The following SGCD variants were observed in gnomAD, a reference collection of about 807,000 sequenced individuals.
SGCD encodes sarcoglycan delta.
In SGCD, 18 loss-of-function variants were observed where a neutral mutation model predicts 36.6. The observed-to-expected ratio is 0.49, with a 90% CI of 0.34 to 0.73. The LOEUF (loss-of-function observed/expected upper bound fraction) is 0.73, where lower values mean the gene tolerates loss of function less well. Among genes scored for constraint, SGCD ranks in the 30% least tolerant of loss-of-function variants. The pLI is 0.01. For synonymous variants in SGCD, 133 were observed against 130.6 expected, an observed-to-expected ratio of 1.02 and a Z score of -0.12; for missense variants, 387 against 346.7, an observed-to-expected ratio of 1.12 and a Z score of -0.92.
the SGCD span, among the ~76,000 whole-genome samples, chr5:155,863,997 A>T: frequency 3.3e-5 from 5 of 152,158 alleles, no homozygotes; most frequent in Non-Finnish European, 7.3e-5. Context: ...ACTGCTAAGG[A>T]GAGGAGGAAT....
At chr5:156,085,542 G>T (rs889704631) in intron 1 of SGCD, among the ~76,000 whole-genome samples, 1 of 152,200 alleles carries the variant, frequency 6.6e-6, no homozygotes, top group Non-Finnish European at 1.5e-5. Flanking sequence ...TGTACAGCCT[G>T]CAGAACTGTG....
At chr5:156,750,952 A>T (rs1161886112) in intron 7 of SGCD, among the ~76,000 whole-genome samples, 1 of 152,216 alleles carries the variant, frequency 6.6e-6, no homozygotes, top group African/African-American at 2.4e-5. Context: ...AGATAGCTAC[A>T]GTGTCCATGG....
chr5:156,733,361 G>GTGAT (rs1261389744), intron 7 of SGCD, among the ~76,000 whole-genome samples: 7 of 151,836 alleles, frequency 4.6e-5, no homozygotes, highest in African/African-American at 1.2e-4. Context: ...GTGGTTTTGA[G>GTGAT]TGATTGTGCT....
At chr5:156,580,541 A>C (rs1253621354) in intron 4 of SGCD, among the ~76,000 whole-genome samples, 2 of 152,192 alleles carry the variant, frequency 1.3e-5, no homozygotes, top group Admixed American at 1.3e-4. Flanking sequence ...TACACCAATG[A>C]AACGTAGATT....
intron 7 of SGCD, among the ~76,000 whole-genome samples, chr5:156,717,201 G>A (rs1755263971): frequency 1.3e-5 from 2 of 152,206 alleles, no homozygotes; most frequent in South Asian, 4.1e-4. Context: ...TACATAGGAT[G>A]CCTCAAAGAG....
At chr5:155,786,667 C>T in the SGCD span, among the ~76,000 whole-genome samples, 1 of 152,120 alleles carries the variant, frequency 6.6e-6, no homozygotes, top group Non-Finnish European at 1.5e-5. Context: ...TTACTGTCAT[C>T]TTCCTCCTCC....
chr5:155,810,795 CTTTTTTTTTTTTTTTTTTTTTT>C, the SGCD span, among the ~76,000 whole-genome samples: 31 of 35,328 alleles, frequency 8.8e-4, no homozygotes, highest in South Asian at 5.8e-3. Flanking sequence ...TTAGTGTCTG[CTTTTTTTTTTTTTTTTTTTTTT>C]TTTTTTTTTT....
At chr5:156,101,941 T>TGTGTGTGTGTGTGAGA (rs1218348339) in intron 1 of SGCD, among the ~76,000 whole-genome samples, 1 of 138,266 alleles carries the variant, frequency 7.2e-6, no homozygotes, top group Non-Finnish European at 1.6e-5. Flanking sequence ...TGTGTGTGTG[T>TGTGTGTGTGTGTGAGA]GAGAGAGAGA....
chr5:156,624,597 A>G (rs190435915), intron 6 of SGCD, among the ~76,000 whole-genome samples: 4 of 152,242 alleles, frequency 2.6e-5, no homozygotes, highest in Admixed American at 2.6e-4. Context: ...TAAAAATAAA[A>G]TATAAAAATA....
intron 3 of SGCD, among the ~76,000 whole-genome samples, chr5:156,197,113 A>G (rs1310899308): frequency 6.6e-6 from 1 of 152,224 alleles, no homozygotes; most frequent in Non-Finnish European, 1.5e-5. Flanking sequence ...AAAATAAAGC[A>G]TTTGAAACTT....
the SGCD span, among the ~76,000 whole-genome samples, chr5:155,777,053 T>A: frequency 1.3e-5 from 2 of 152,202 alleles, no homozygotes; most frequent in African/African-American, 4.8e-5. Flanking sequence ...GTGTTGCTGT[T>A]GGAGATGGAC....
intron 3 of SGCD, among the ~76,000 whole-genome samples, chr5:156,378,960 C>T (rs2127745978): frequency 6.6e-6 from 1 of 152,224 alleles, no homozygotes; most frequent in East Asian, 1.9e-4. Flanking sequence ...CTTTTTAATC[C>T]ATTCAGTCAT....
intron 3 of SGCD, among the ~76,000 whole-genome samples, chr5:156,407,834 G>T (rs1267450623): frequency 6.6e-6 from 1 of 152,168 alleles, no homozygotes; most frequent in Non-Finnish European, 1.5e-5. Flanking sequence ...TATAAAGTCT[G>T]CTATATGCCA....
intron 1 of SGCD, among the ~76,000 whole-genome samples, chr5:155,872,299 A>T (rs557120948): frequency 1.6e-4 from 24 of 152,108 alleles, no homozygotes; most frequent in African/African-American, 5.3e-4. Flanking sequence ...AATCAATGTG[A>T]AACAATGCTC....
chr5:156,203,522 G>A (rs1409123670), intron 3 of SGCD, among the ~76,000 whole-genome samples: 6 of 152,010 alleles, frequency 3.9e-5, no homozygotes, highest in South Asian at 2.1e-4. Context: ...TGTATGTCCC[G>A]ACCACTTATT....
chr5:156,189,899 T>C (rs1763849207), intron 3 of SGCD, among the ~76,000 whole-genome samples: 1 of 152,124 alleles, frequency 6.6e-6, no homozygotes, highest in Non-Finnish European at 1.5e-5. Context: ...AGAAAAGCAT[T>C]AGAGGACACC....
chr5:156,655,771 A>T (rs746623137), intron 7 of SGCD, among the ~76,000 whole-genome samples: 1 of 152,122 alleles, frequency 6.6e-6, no homozygotes, highest in African/African-American at 2.4e-5. Flanking sequence ...TAAATTCATG[A>T]TCTTAAACTA....
chr5:155,891,411 G>T (rs1756126456), intron 1 of SGCD, among the ~76,000 whole-genome samples: 1 of 152,180 alleles, frequency 6.6e-6, no homozygotes, highest in South Asian at 2.1e-4. Flanking sequence ...AATTAAAGAA[G>T]TTGGGCTTAT....
At position 156,175,376 on chromosome 5, in the gene SGCD, G is replaced by T. The variant is rs191165320; in HGVS notation, c.-44+51357G>T. ...AATAGTGGAAAAAATTTACAAATTT[G>T]CCTGGCTCTTATTTTGTGAGCGCAC... On this transcript the variant is annotated intron_variant, in intron 3 of 9. Transcript: ENST00000517913. Among the ~76,000 whole-genome samples the T allele has an allele frequency of 7.9e-3, 1,192 of 151,730 alleles. 4 individuals are homozygous for T. The highest frequency in any genetic ancestry group is 0.013 in the Non-Finnish European group (855 of 67,904).
Sources: gnomAD v4.1 joint callset for allele counts (sites outside exome capture counted in the v4.1 genomes callset) on GRCh38, gnomAD v4.1.1 for gene constraint, MANE v1.5 for transcripts, NCBI Gene and HGNC (gene_info 2026-07-23, HGNC 2026-07-21) for gene names.